ARHGAP6: variants seen among roughly 807,000 people sequenced by gnomAD.
ARHGAP6 encodes the protein Rho GTPase activating protein 6, also known as rho GTPase-activating protein 6.
A neutral mutation model predicts 55.7 loss-of-function variants in ARHGAP6; 16 were observed. The ratio of observed to expected loss-of-function variants is 0.29; its 90% CI spans 0.19 to 0.44. The LOEUF is 0.44. ARHGAP6 is among the 20% of genes least tolerant of loss of function. The probability of loss-of-function intolerance (pLI) is 1.00; values close to 1 mark genes in which losing one functional copy is unlikely to be tolerated. For missense variants in ARHGAP6, 698 were observed against 808.9 expected, an observed-to-expected ratio of 0.86 and a Z score of 1.66; for synonymous variants, 382 against 360.9, an observed-to-expected ratio of 1.06 and a Z score of -0.66.
intron 1 of ARHGAP6, among the ~76,000 whole-genome samples, chrX:11,311,644 T>C (rs751972227): frequency 2.1e-4 from 23 of 111,886 alleles, no homozygotes; most frequent in Non-Finnish European, 3.9e-4. Context: ...CATTGCCTTC[T>C]GAAAAATGTC....
chrX:11,227,653 C>A (rs1480460647), intron 2 of ARHGAP6, among the ~76,000 whole-genome samples: 1 of 110,912 alleles, frequency 9.0e-6, no homozygotes, highest in African/African-American at 3.3e-5. Context: ...CTTTACATGA[C>A]CCCCTCTTAG....
intron 2 of ARHGAP6, among the ~76,000 whole-genome samples, chrX:11,200,521 T>A (rs780628662): frequency 8.9e-6 from 1 of 112,705 alleles, no homozygotes; most frequent in South Asian, 3.7e-4. Context: ...TACCAAACAG[T>A]GTCTTCAGGA....
rs186409728 is a variant in ARHGAP6, at chrX:11,331,461, T to C, written c.589-76754A>G. Among the ~76,000 whole-genome samples the C allele has an allele frequency of 2.6e-3, 297 of 112,104 alleles. 1 individual carries two copies. The highest frequency in any genetic ancestry group is 9.2e-3 in the African/African-American group (285 of 30,901). Reference sequence around the variant, plus strand: ...TCTGTGTATACAAGTTAAATAAACGTGTATGCCTTTTCTTCTGTTAATCAA... The same window carrying C: ...TCTGTGTATACAAGTTAAATAAACGCGTATGCCTTTTCTTCTGTTAATCAA... On this transcript the variant is annotated intron_variant, in intron 1 of 12. Transcript: ENST00000337414.
intron 1 of ARHGAP6, among the ~76,000 whole-genome samples, chrX:11,365,184 T>A (rs2049059964): frequency 1.8e-5 from 2 of 112,166 alleles, no homozygotes; most frequent in Non-Finnish European, 3.8e-5. Flanking sequence ...GCCATCTTGG[T>A]ACCAGCCTGA....
chrX:11,616,910 G>C (rs1343490640), intron 1 of ARHGAP6, among the ~76,000 whole-genome samples: 1 of 111,810 alleles, frequency 8.9e-6, no homozygotes, highest in Non-Finnish European at 1.9e-5. Flanking sequence ...AATACTGCCA[G>C]TGTTGAGAAA....
At chrX:11,377,279 G>T (rs887411268) in intron 1 of ARHGAP6, among the ~76,000 whole-genome samples, 1 of 112,378 alleles carries the variant, frequency 8.9e-6, no homozygotes, top group African/African-American at 3.2e-5. Flanking sequence ...GAAACGTGAT[G>T]CTAAATGAAA....
chrX:11,651,204 G>A (rs755644114), intron 1 of ARHGAP6, among the ~76,000 whole-genome samples: 1 of 111,342 alleles, frequency 9.0e-6, no homozygotes, highest in Admixed American at 9.5e-5. Context: ...TTGTGTCACG[G>A]GGGTTTAGCT....
chrX:11,410,912 A>G (rs1354277409), intron 1 of ARHGAP6, among the ~76,000 whole-genome samples: 8 of 108,542 alleles, frequency 7.4e-5, no homozygotes, highest in Non-Finnish European at 1.5e-4. Flanking sequence ...AGGAAGGAAA[A>G]GAAGTTAAAG....
chrX:11,551,446 C>T (rs192316648), intron 1 of ARHGAP6, among the ~76,000 whole-genome samples: 8 of 111,067 alleles, frequency 7.2e-5, no homozygotes, highest in Non-Finnish European at 5.7e-5. Context: ...AACCAGAGAA[C>T]CCATTATTAA....
intron 1 of ARHGAP6, among the ~76,000 whole-genome samples, chrX:11,330,694 GATATTTA>G (rs1239381479): frequency 8.9e-6 from 1 of 111,886 alleles, no homozygotes; most frequent in Non-Finnish European, 1.9e-5. Context: ...CCATTTCACA[GATATTTA>G]ATAGAACAGT....
At chrX:11,349,809 T>C (rs972108145) in intron 1 of ARHGAP6, among the ~76,000 whole-genome samples, 1 of 111,828 alleles carries the variant, frequency 8.9e-6, no homozygotes, top group Non-Finnish European at 1.9e-5. Context: ...GAAGGAATGC[T>C]TCTTGTATTT....
At chrX:11,154,450 A>G (rs1416288313) in intron 10 of ARHGAP6, among the ~76,000 whole-genome samples, 1 of 112,608 alleles carries the variant, frequency 8.9e-6, no homozygotes, top group Non-Finnish European at 1.9e-5. Flanking sequence ...CACAGCATTT[A>G]TATGCAAAGA....
At chrX:11,465,352 A>G (rs371243296) in intron 1 of ARHGAP6, among the ~76,000 whole-genome samples, 5 of 111,964 alleles carry the variant, frequency 4.5e-5, no homozygotes, top group African/African-American at 1.6e-4. Context: ...TTATGCTTCA[A>G]CCTTCTCTGT....
chrX:11,268,491 GCA>G (rs1382856655), intron 1 of ARHGAP6, among the ~76,000 whole-genome samples: 2 of 111,928 alleles, frequency 1.8e-5, no homozygotes, highest in Non-Finnish European at 3.8e-5. Context: ...AATGGATGGC[GCA>G]CAGTGAGGAA....
chrX:11,649,131 A>G (rs1354854301), intron 1 of ARHGAP6, among the ~76,000 whole-genome samples: 1 of 111,616 alleles, frequency 9.0e-6, no homozygotes, highest in Non-Finnish European at 1.9e-5. Flanking sequence ...TGGCCCTGTG[A>G]CTCACTCTGA....
chrX:11,574,548 A>G (rs1601660306), intron 1 of ARHGAP6, among the ~76,000 whole-genome samples: 1 of 109,189 alleles, frequency 9.2e-6, no homozygotes, highest in East Asian at 2.9e-4. Context: ...AAAACTCTCA[A>G]TAAATTAGGT....
intron 1 of ARHGAP6, among the ~76,000 whole-genome samples, chrX:11,659,219 T>C (rs1360137690): frequency 8.9e-6 from 1 of 111,835 alleles, no homozygotes; most frequent in Non-Finnish European, 1.9e-5. Context: ...TGGCATGATT[T>C]CCCCATGCCC....
At chrX:11,253,024 C>T (rs2047443765) in intron 2 of ARHGAP6, among the ~76,000 whole-genome samples, 1 of 111,942 alleles carries the variant, frequency 8.9e-6, no homozygotes, top group South Asian at 3.8e-4. Context: ...AAGAGAACTG[C>T]ACCACTGGCA....
chrX:11,298,574 G>A lies in ARHGAP6; in HGVS notation c.589-43867C>T, dbSNP rs765687165. 55 of 1,208,899 alleles carry A rather than the reference G, an allele frequency of 4.5e-5. No individual in the cohort carries two copies. Among genetic ancestry groups the A allele is most frequent in the Non-Finnish European group, 5.8e-5 (52 of 895,009 alleles). On this transcript the variant is annotated intron_variant, in intron 1 of 12. Coordinates refer to ENST00000337414, the MANE Select transcript of ARHGAP6 (RefSeq NM_013427.3). ...ACCCTTCCTATGGTTACGAGCCCAT[G>A]GGTGGATGGCTGCACCACCAAATCA...
Sources: gnomAD v4.1 joint callset for allele counts (sites outside exome capture counted in the v4.1 genomes callset) on GRCh38, gnomAD v4.1.1 for gene constraint, MANE v1.5 for transcripts, NCBI Gene and HGNC (gene_info 2026-07-23, HGNC 2026-07-21) for gene names.